The following CDC123 variants were observed in gnomAD, a reference collection of about 807,000 sequenced individuals.
CDC123 encodes the protein cell division cycle 123, also known as translation initiation factor eIF2 assembly protein.
Under a neutral mutation model 54.4 loss-of-function variants are expected in CDC123, and 37 were observed. That is an observed-to-expected ratio of 0.68 (90% CI 0.52 to 0.89). The LOEUF (loss-of-function observed/expected upper bound fraction) is 0.89, where lower values mean the gene tolerates loss of function less well. Among genes scored for constraint, CDC123 ranks in the 40% least tolerant of loss-of-function variants. CDC123 has a pLI of 0.00. For missense variants in CDC123, 361 were observed against 412.1 expected (o/e 0.88, Z 1.07); for synonymous variants, 144 against 136.8 (o/e 1.05, Z -0.37).
chr10:12,210,349 G>A (rs771134969), intron 4 of CDC123, 27 bp downstream of exon 4: 11 of 1,613,628 alleles, frequency 6.8e-6, no homozygotes, highest in Non-Finnish European at 9.3e-6. Context: ...CTCAGCGTGG[G>A]GACAGCCTCA....
intron 7 of CDC123, among the ~76,000 whole-genome samples, chr10:12,233,278 TAC>T (rs57596982): frequency 0.46 from 67,327 of 145,448 alleles, 16,332 homozygotes; most frequent in Middle Eastern, 0.58. Context: ...GTATTTAAAA[TAC>T]ACACACACAC....
chr10:12,233,181 A>T (rs1835925725), intron 7 of CDC123, among the ~76,000 whole-genome samples: 1 of 152,016 alleles, frequency 6.6e-6, no homozygotes, highest in Admixed American at 6.6e-5. Flanking sequence ...CCTAGTTTTA[A>T]AATTGTAGGA....
chr10:12,241,829 A>G (rs529321287), intron 10 of CDC123, among the ~76,000 whole-genome samples: 80 of 152,200 alleles, frequency 5.3e-4, no homozygotes, highest in African/African-American at 1.9e-3. Flanking sequence ...CTGTCTCCTC[A>G]CACTCCCTTT....
At chr10:12,243,129 T>C (rs754454622) in intron 10 of CDC123, among the ~76,000 whole-genome samples, 1 of 151,676 alleles carries the variant, frequency 6.6e-6, no homozygotes, top group African/African-American at 2.4e-5. Context: ...CTGGGTACAG[T>C]GGCTCACGCC....
At chr10:12,221,393 T>G (rs1202235983) in intron 6 of CDC123, among the ~76,000 whole-genome samples, 2 of 152,220 alleles carry the variant, frequency 1.3e-5, no homozygotes, top group African/African-American at 2.4e-5. Flanking sequence ...ATCTGTCATA[T>G]GAAGACATGA....
At position 12,235,891 on chromosome 10, in the gene CDC123, G is replaced by A. The variant is rs189663658; in HGVS notation, c.565+768G>A. 5.9e-5 allele frequency among the ~76,000 whole-genome samples: 9 copies of A among 152,332 alleles called. No homozygotes were observed. In the East Asian group the frequency reaches 1.3e-3, roughly 23 times the overall value. ...TTGGCACAAGATTCAGGAATAGGAA[G>A]CCCGTATTTCAGAGCAGAGAACTTT... On this transcript the variant is annotated intron_variant, in intron 8 of 12. Coordinates refer to ENST00000281141, the MANE Select transcript of CDC123 (RefSeq NM_006023.3).
chr10:12,208,100 C>G (rs564630899), intron 2 of CDC123, among the ~76,000 whole-genome samples: 1 of 152,110 alleles, frequency 6.6e-6, no homozygotes, highest in East Asian at 1.9e-4. Context: ...TCCTTGGGAT[C>G]TTTTTTTTAG....
chr10:12,223,137 GC>G (rs1835759876), intron 6 of CDC123, among the ~76,000 whole-genome samples: 1 of 151,852 alleles, frequency 6.6e-6, no homozygotes, highest in Non-Finnish European at 1.5e-5. Flanking sequence ...CTCATGATCC[GC>G]CCACCTTGGT....
At chr10:12,212,151 G>GGT (rs1165382183) in intron 4 of CDC123, among the ~76,000 whole-genome samples, 2 of 152,070 alleles carry the variant, frequency 1.3e-5, no homozygotes, top group Admixed American at 1.3e-4. Context: ...ATAATATAAA[G>GGT]GTGTGTGTGT....
chr10:12,208,792 G>A (rs916773978), intron 2 of CDC123, among the ~76,000 whole-genome samples: 1 of 152,118 alleles, frequency 6.6e-6, no homozygotes, highest in Non-Finnish European at 1.5e-5. Flanking sequence ...TTCTGCTCCC[G>A]CCAGTCCAAC....
intron 6 of CDC123, among the ~76,000 whole-genome samples, chr10:12,218,446 G>C (rs1475655263): frequency 6.6e-6 from 1 of 151,752 alleles, no homozygotes; most frequent in African/African-American, 2.4e-5. Flanking sequence ...TCACCATATT[G>C]GCCAGGCTGG....
chr10:12,235,483 G>A (rs1406065628), intron 8 of CDC123, among the ~76,000 whole-genome samples: 2 of 152,142 alleles, frequency 1.3e-5, no homozygotes, highest in Non-Finnish European at 2.9e-5. Flanking sequence ...AAAAAGCCAA[G>A]TTTTGGAACC....
chr10:12,202,827 C>T (rs1270567318), intron 2 of CDC123, among the ~76,000 whole-genome samples: 1 of 152,206 alleles, frequency 6.6e-6, no homozygotes, highest in African/African-American at 2.4e-5. Context: ...CCGGCTTGGC[C>T]AACATGGCGA....
rs529354188 is a variant in CDC123, at chr10:12,220,488, GAGCAAATGCCA to G, written c.440+3026_440+3036del. Among the ~76,000 whole-genome samples, 174 of 152,376 alleles carry G rather than the reference GAGCAAATGCCA, an allele frequency of 1.1e-3. 1 individual carries two copies. Among genetic ancestry groups the G allele is most frequent in the South Asian group, 2.3e-3 (11 of 4,832 alleles). ...ATTATAAATAATTGGGAATTGGCAG[GAGCAAATGCCA>G]AGCACTGGGCTTTCAGCCTTTTAGC... On this transcript the variant is annotated intron_variant, in intron 6 of 12. Transcript: ENST00000281141.
chr10:12,205,165 A>C (rs1835501762), intron 2 of CDC123, among the ~76,000 whole-genome samples: 2 of 152,124 alleles, frequency 1.3e-5, no homozygotes, highest in Admixed American at 1.3e-4. Flanking sequence ...ATAAGTGAAA[A>C]CGTGGTGTTT....
intron 5 of CDC123, among the ~76,000 whole-genome samples, chr10:12,216,813 C>T (rs1385650860): frequency 6.6e-6 from 1 of 152,126 alleles, no homozygotes; most frequent in Non-Finnish European, 1.5e-5. Flanking sequence ...TTTGCATTTG[C>T]CTTCCCATCT....
At chr10:12,226,611 C>T (rs896158207) in intron 6 of CDC123, among the ~76,000 whole-genome samples, 1 of 150,338 alleles carries the variant, frequency 6.7e-6, no homozygotes, top group African/African-American at 2.5e-5. Context: ...CTCCTCACAT[C>T]CCAGACGGGG....
chr10:12,225,963 C>CT (rs1230585115), intron 6 of CDC123, among the ~76,000 whole-genome samples: 1 of 151,828 alleles, frequency 6.6e-6, no homozygotes, highest in African/African-American at 2.4e-5. Flanking sequence ...GGTGATGACT[C>CT]TTAAGGAGCA....
At chr10:12,228,649 C>T (rs1835860044) in intron 6 of CDC123, among the ~76,000 whole-genome samples, 2 of 152,214 alleles carry the variant, frequency 1.3e-5, no homozygotes, top group African/African-American at 4.8e-5. Context: ...TGGCTTACCA[C>T]AACCTCTGCC....
Sources: gnomAD v4.1 joint callset for allele counts (sites outside exome capture counted in the v4.1 genomes callset) on GRCh38, gnomAD v4.1.1 for gene constraint, MANE v1.5 for transcripts, NCBI Gene and HGNC (gene_info 2026-07-23, HGNC 2026-07-21) for gene names.